The following SSC5D variants were observed in gnomAD, a reference collection of about 807,000 sequenced individuals.
SSC5D encodes soluble scavenger receptor cysteine-rich domain-containing protein SSC5D.
A neutral mutation model predicts 104.6 loss-of-function variants in SSC5D; 106 were observed. The ratio of observed to expected loss-of-function variants is 1.01; its 90% CI spans 0.87 to 1.19. The LOEUF (loss-of-function observed/expected upper bound fraction) is 1.19, where lower values mean the gene tolerates loss of function less well. Among genes scored for constraint, SSC5D ranks in the 50% most tolerant of loss-of-function variants. The pLI is 0.00. For missense variants in SSC5D, 1,993 were observed against 2,153.8 expected, an observed-to-expected ratio of 0.93 and a Z score of 1.48; for synonymous variants, 860 against 883.5, an observed-to-expected ratio of 0.97 and a Z score of 0.47.
rs552782903 is a variant in SSC5D at position 55,501,252 on chromosome 19, C to T, written c.2785+51C>T. The T allele has an allele frequency of 1.4e-4, 200 of 1,462,286 alleles. No individual in the cohort carries two copies. In the African/African-American group the frequency reaches 1.9e-3, roughly 14 times the overall value. 90.6% of individuals were successfully genotyped at this position (1,462,286 alleles called of 1,614,324 possible). A position where few individuals can be genotyped will look rare whatever the true frequency, so the allele number is the denominator to read the frequency against. ...TGGAGGGCCTCCATAAACCTCCATT[C>T]GCTTCCCTGCAGGGTTTCCAGAAAG... On this transcript the variant is annotated intron_variant, in intron 12 of 13. Transcript: ENST00000389623.
chr19:55,501,273 G>C, intron 12 of SSC5D, 72 bp downstream of exon 12: 2 of 1,448,098 alleles, frequency 1.4e-6, no homozygotes, highest in Non-Finnish European at 1.8e-6. Flanking sequence ...AGGGTTTCCA[G>C]AAAGACCCTT....
intron 6 of SSC5D, among the ~76,000 whole-genome samples, chr19:55,493,333 G>A (rs1987205483): frequency 6.6e-6 from 1 of 152,056 alleles, no homozygotes; most frequent in Non-Finnish European, 1.5e-5. Flanking sequence ...GCCAGGCATG[G>A]GAGGTGGATC....
In SSC5D at chr19:55,491,087, C is replaced by A. The variant is rs1005952385; in HGVS notation, c.895+7C>A. 2 of 1,545,324 alleles carry A rather than the reference C, an allele frequency of 1.3e-6. No homozygotes were observed. Among genetic ancestry groups the A allele is most frequent in the South Asian group, 2.4e-5 (2 of 83,558 alleles). The stretch of plus-strand genomic sequence containing the variant: ...GCGGGGCTGGTCTGCACCGGTACGT[C>A]GGGCTGGGGCCTGGCCCCCTCCTGT... On this transcript the variant is annotated splice_region_variant and intron_variant, in intron 6 of 13. Coordinates refer to ENST00000389623, the MANE Select transcript of SSC5D (RefSeq NM_001144950.2).
At chr19:55,517,109 C>A in intron 13 of SSC5D, 115 bp from the exon 14 acceptor site, 1 of 943,578 alleles carries the variant, frequency 1.1e-6, no homozygotes, top group Non-Finnish European at 1.6e-6. Context: ...TGACCCATGA[C>A]GTCTCGAGGC....
chr19:55,507,215 G>T (rs1053073142), intron 12 of SSC5D, among the ~76,000 whole-genome samples: 1 of 151,260 alleles, frequency 6.6e-6, no homozygotes, highest in African/African-American at 2.4e-5. Flanking sequence ...GCAGGGGCGT[G>T]CTCCTGTAGT....
chr19:55,488,984 C>T, intron 1 of SSC5D, 22 bp from the exon 2 acceptor site: 1 of 1,320,294 alleles, frequency 7.6e-7, no homozygotes, highest in Non-Finnish European at 9.7e-7. Flanking sequence ...CACACTGCCC[C>T]ACCCTCCGCC....
intron 2 of SSC5D, 133 bp from the exon 3 acceptor site, chr19:55,489,221 C>T: frequency 8.8e-7 from 1 of 1,135,750 alleles, no homozygotes; most frequent in Admixed American, 3.6e-5. Context: ...GGAGTCTGGG[C>T]CCAGGGGCCA....
chr19:55,497,265 C>G (rs950730186), intron 8 of SSC5D, among the ~76,000 whole-genome samples: 10 of 152,160 alleles, frequency 6.6e-5, no homozygotes, highest in African/African-American at 2.2e-4. Context: ...GAGGCTGTGC[C>G]TGACTCATAA....
chr19:55,518,657 C>T lies in SSC5D; in HGVS notation c.4381C>T (p.Pro1461Ser). The change falls in exon 14 of 14, where the codon CCA becomes TCA. Residue 1461 changes from proline to serine, a missense_variant. Coordinates refer to ENST00000389623, the MANE Select transcript of SSC5D (RefSeq NM_001144950.2). ...HPPLDPLTLG[P>S]TPGQSPGPHG... The stretch of plus-strand genomic sequence containing the variant: ...TCCCCTTGACCCCCTCACCCTAGGG[C>T]CAACTCCTGGTCAGAGCCCAGGCCC... The T allele has an allele frequency of 3.2e-6, 5 of 1,541,504 alleles. No individual in the cohort carries two copies. The highest frequency in any genetic ancestry group is 4.4e-6 in the Non-Finnish European group (5 of 1,142,444).
rs1425238177 is a variant in SSC5D at position 55,500,469 on chromosome 19, A to T, written c.2303-21A>T. ...TGGGAGAGGCTGACCCTCCCTCCTG[A>T]CCTAAGGGCCTTCCACGCAGGCCTG... On this transcript the variant is annotated intron_variant, in intron 10 of 13. Transcript: ENST00000389623. This position sits in a 1 kb window ranked among gnomAD's most constrained non-coding sequence, Gnocchi z 4.6. The T allele has an allele frequency of 6.5e-7, 1 of 1,549,486 alleles. No individual in the cohort carries two copies. The highest frequency in any genetic ancestry group is 2.4e-5 in the East Asian group (1 of 40,844).
In SSC5D at chr19:55,498,346, A is replaced by C. The variant is rs1040955544; in HGVS notation, c.1705+149A>C. The C allele has an allele frequency of 3.6e-6, 3 of 825,348 alleles. No individual in the cohort carries two copies. In the African/African-American group the frequency reaches 5.2e-5, roughly 14 times the overall value. 51.1% of individuals were successfully genotyped at this position (825,348 alleles called of 1,614,324 possible). On this transcript the variant is annotated intron_variant, in intron 9 of 13. Coordinates refer to ENST00000389623, the MANE Select transcript of SSC5D (RefSeq NM_001144950.2). ...ACATATAACCACATTGAAATCACAT[A>C]ATAAGTCTAGGGTGGTGTGTGTTAT...
In SSC5D at chr19:55,497,873, A is replaced by AC. The variant is rs1987365010; in HGVS notation, c.1388-3dup. On this transcript the variant is annotated splice_polypyrimidine_tract_variant and splice_region_variant and intron_variant, in intron 8 of 13. Coordinates refer to ENST00000389623, the MANE Select transcript of SSC5D (RefSeq NM_001144950.2). ...GACTCTAATTCTTTGGGTCTCTTCT[A>AC]CCCCAGGGTCCCCCCAGCTGCGCCT... 2 of 1,526,206 alleles carry AC rather than the reference A, an allele frequency of 1.3e-6. No individual in the cohort carries two copies. 94.5% of individuals were successfully genotyped at this position (1,526,206 alleles called of 1,614,324 possible).
intron 12 of SSC5D, 142 bp downstream of exon 12, chr19:55,501,343 C>A: frequency 1.1e-6 from 1 of 946,026 alleles, no homozygotes; most frequent in Non-Finnish European, 1.5e-6. Context: ...GCTCCTGAGA[C>A]CCTAAACGCA....
intron 8 of SSC5D, among the ~76,000 whole-genome samples, chr19:55,496,111 G>C (rs1228285216): frequency 6.6e-6 from 1 of 152,126 alleles, no homozygotes; most frequent in Non-Finnish European, 1.5e-5. Context: ...GAACTGGCTG[G>C]TTTGAAGAAT....
chr19:55,490,989 A>G lies in SSC5D; in HGVS notation c.804A>G (p.Gly268=). 6.5e-7 allele frequency: 1 copy of G among 1,548,880 alleles called. No homozygotes were observed. Among genetic ancestry groups the G allele is most frequent in the Non-Finnish European group, 8.7e-7 (1 of 1,146,242 alleles). The change falls in exon 6 of 14, where the codon GGA becomes GGG. Residue 268 remains glycine (G), a synonymous_variant. Coordinates refer to ENST00000389623, the MANE Select transcript of SSC5D (RefSeq NM_001144950.2). ...GPVWMDDVGC[G]GGEQALRDCP... ...TGTGGATGGACGATGTGGGGTGTGGAGGAGGAGAACAGGCCCTCCGAGACT... is the reference window on the plus strand; with the variant it reads ...TGTGGATGGACGATGTGGGGTGTGGGGGAGGAGAACAGGCCCTCCGAGACT...
rs1234261243 is a variant in SSC5D, at chr19:55,490,640, C to T, written c.587-132C>T. On this transcript the variant is annotated intron_variant, in intron 5 of 13. Transcript: ENST00000389623. ...GCCCGCTCAGGTCGTGGACTCACCT[C>T]TTCACGGGCTGCCGGCGGACAGATC... 7.1e-6 allele frequency: 8 copies of T among 1,120,932 alleles called. No homozygotes were observed. In the East Asian group the frequency reaches 1.3e-4, roughly 18 times the overall value. The allele number at this position is 1,120,932 out of a possible 1,614,324, so 69.4% of individuals were successfully genotyped here.
At chr19:55,497,646 C>T (rs1004865664) in intron 8 of SSC5D, among the ~76,000 whole-genome samples, 2 of 152,138 alleles carry the variant, frequency 1.3e-5, no homozygotes, top group Non-Finnish European at 2.9e-5. Context: ...TGATGTGTAG[C>T]TTTTTGAGGA....
chr19:55,498,073 G>A lies in SSC5D; in HGVS notation c.1581G>A (p.Ala527=), dbSNP rs1234713619. ...DPAAGRFGWG[A]GPIWLDDVGC... is the part of the protein sequence containing the mutation. ...CTGCTGGCCGCTTTGGCTGGGGTGC[G>A]GGCCCCATCTGGCTAGATGATGTGG... The change falls in exon 9 of 14, where the codon GCG becomes GCA. Residue 527 remains alanine (A), a synonymous_variant. Transcript: ENST00000389623. The A allele has an allele frequency of 4.5e-6, 7 of 1,551,620 alleles. No homozygotes were observed. Among genetic ancestry groups the A allele is most frequent in the Middle Eastern group, 1.7e-4 (1 of 5,992 alleles).
intron 13 of SSC5D, 93 bp downstream of exon 13, chr19:55,513,265 A>G: frequency 7.9e-7 from 1 of 1,272,764 alleles, no homozygotes; most frequent in Non-Finnish European, 1.1e-6. Context: ...CCCTTACCCC[A>G]GAAAGACTCA....
Sources: gnomAD v4.1 joint callset for allele counts (sites outside exome capture counted in the v4.1 genomes callset) on GRCh38, gnomAD v4.1.1 for gene constraint, Gnocchi (gnomAD v3.1) non-coding constraint, MANE v1.5 for transcripts, NCBI Gene and HGNC (gene_info 2026-07-23, HGNC 2026-07-21) for gene names.